UNC5C: variants seen among roughly 807,000 people sequenced by gnomAD.
The protein encoded by UNC5C is netrin receptor UNC5C.
In UNC5C, 47 loss-of-function variants were observed where a neutral mutation model predicts 99.8. That is an observed-to-expected ratio of 0.47 (90% CI 0.37 to 0.60). The LOEUF is 0.60. Ranked by LOEUF, UNC5C falls within the 20% of genes least tolerant of loss-of-function variation. The pLI is 0.00. For missense variants in UNC5C, 1,062 were observed against 1,165.9 expected, an observed-to-expected ratio of 0.91 and a Z score of 1.30; for synonymous variants, 487 against 452.2, an observed-to-expected ratio of 1.08 and a Z score of -0.98.
intron 12 of UNC5C, among the ~76,000 whole-genome samples, chr4:95,197,980 C>CTTT (rs1211335596): frequency 9.2e-5 from 11 of 119,924 alleles, no homozygotes; most frequent in African/African-American, 2.7e-4. Flanking sequence ...GAGCCTCTCC[C>CTTT]TTTTTTTTTT....
chr4:95,267,410 G>A (rs1740488870), intron 4 of UNC5C, among the ~76,000 whole-genome samples: 1 of 152,054 alleles, frequency 6.6e-6, no homozygotes, highest in African/African-American at 2.4e-5. Context: ...TTTATAATCT[G>A]ACATTCAAGT....
rs566811602 is a variant in UNC5C at position 95,540,653 on chromosome 4, C to T, written c.124+8081G>A. On this transcript the variant is annotated intron_variant, in intron 1 of 15. Transcript: ENST00000453304. The stretch of plus-strand genomic sequence containing the variant: ...GCTAAACTTGAGCACTTCCACTGGG[C>T]GGCTACAATGTGTATATTTGCCAAA... Among the ~76,000 whole-genome samples, 42 of 152,234 alleles carry T rather than the reference C, an allele frequency of 2.8e-4. 1 individual carries two copies. The East Asian group carries it at 5.8e-3, about 21-fold the overall frequency.
chr4:95,459,183 C>T (rs1747527524), intron 1 of UNC5C, among the ~76,000 whole-genome samples: 1 of 152,068 alleles, frequency 6.6e-6, no homozygotes, highest in South Asian at 2.1e-4. Context: ...ACAGTGGTTC[C>T]AAATATAAGC....
intron 1 of UNC5C, among the ~76,000 whole-genome samples, chr4:95,388,942 T>A (rs957661253): frequency 8.5e-5 from 13 of 152,126 alleles, no homozygotes; most frequent in African/African-American, 2.9e-4. Flanking sequence ...TATATAAAAG[T>A]GTTTCCTAGA....
At chr4:95,349,616 T>A (rs1363917657) in intron 1 of UNC5C, among the ~76,000 whole-genome samples, 1 of 151,820 alleles carries the variant, frequency 6.6e-6, no homozygotes, top group Non-Finnish European at 1.5e-5. Context: ...TATTCCCACA[T>A]GCAACCTATT....
chr4:95,234,326 TCAGA>T (rs1005925448), intron 7 of UNC5C, among the ~76,000 whole-genome samples: 4 of 151,982 alleles, frequency 2.6e-5, no homozygotes, highest in African/African-American at 9.7e-5. Flanking sequence ...TTTTTTTAGA[TCAGA>T]CATATATTTT....
At chr4:95,400,011 TCC>T (rs2149448057) in intron 1 of UNC5C, among the ~76,000 whole-genome samples, 1 of 152,316 alleles carries the variant, frequency 6.6e-6, no homozygotes, top group Admixed American at 6.5e-5. Context: ...ATGGTCAACT[TCC>T]CAGTCATTAG....
intron 1 of UNC5C, among the ~76,000 whole-genome samples, chr4:95,444,919 T>C (rs557235210): frequency 4.6e-5 from 7 of 152,280 alleles, no homozygotes; most frequent in South Asian, 2.1e-4. Flanking sequence ...GAGAAACATA[T>C]GAAGAGCCAC....
intron 1 of UNC5C, among the ~76,000 whole-genome samples, chr4:95,530,536 GC>G (rs1401666781): frequency 6.6e-6 from 1 of 152,186 alleles, no homozygotes; most frequent in African/African-American, 2.4e-5. Context: ...TTTAGTCTAT[GC>G]CTCATACAAC....
rs187727296 is a variant in UNC5C at position 95,265,289 on chromosome 4, C to T, written c.594+12970G>A. On this transcript the variant is annotated intron_variant, in intron 4 of 15. Coordinates refer to ENST00000453304, the MANE Select transcript of UNC5C (RefSeq NM_003728.4). ...ATTCCATCTGGATGCTCAACAAATA[C>T]AAAAAAAACATAATAAGTGCTGAAT... is the stretch of plus-strand genomic sequence containing the variant. 3.3e-3 allele frequency among the ~76,000 whole-genome samples: 499 copies of T among 149,428 alleles called. 1 individual carries two copies. The highest frequency in any genetic ancestry group is 0.011 in the African/African-American group (453 of 41,086).
chr4:95,491,069 G>A (rs1578192585), intron 1 of UNC5C, among the ~76,000 whole-genome samples: 1 of 151,476 alleles, frequency 6.6e-6, no homozygotes, highest in East Asian at 1.9e-4. Flanking sequence ...TAGCAGAAAA[G>A]TAAGATGAGG....
At chr4:95,391,230 T>C (rs1427881483) in intron 1 of UNC5C, among the ~76,000 whole-genome samples, 2 of 152,164 alleles carry the variant, frequency 1.3e-5, no homozygotes, top group East Asian at 1.9e-4. Flanking sequence ...TATTTCTTCA[T>C]AGCAGTATGA....
intron 1 of UNC5C, among the ~76,000 whole-genome samples, chr4:95,497,839 G>A (rs191517932): frequency 2.0e-5 from 3 of 151,770 alleles, no homozygotes; most frequent in Non-Finnish European, 2.9e-5. Flanking sequence ...TAAAAAATAC[G>A]CATTTTATTG....
chr4:95,434,448 C>T (rs538029227), intron 1 of UNC5C, among the ~76,000 whole-genome samples: 8 of 151,934 alleles, frequency 5.3e-5, no homozygotes, highest in Non-Finnish European at 1.2e-4. Context: ...AGAAGGGGCA[C>T]CTTACTTGAA....
At chr4:95,195,450 A>G (rs977136472) in intron 12 of UNC5C, among the ~76,000 whole-genome samples, 2 of 152,216 alleles carry the variant, frequency 1.3e-5, no homozygotes, top group Admixed American at 6.5e-5. Context: ...TCCTGAAAGT[A>G]TACAGGTAAG....
At chr4:95,484,608 C>A (rs1721271669) in intron 1 of UNC5C, among the ~76,000 whole-genome samples, 1 of 151,864 alleles carries the variant, frequency 6.6e-6, no homozygotes, top group Admixed American at 6.6e-5. Flanking sequence ...CTCTGTCAGA[C>A]TGGATCCCTG....
intron 1 of UNC5C, among the ~76,000 whole-genome samples, chr4:95,434,457 A>C (rs1746718691): frequency 6.6e-6 from 1 of 152,026 alleles, no homozygotes; most frequent in African/African-American, 2.4e-5. Context: ...ACCTTACTTG[A>C]ATCGGAGGGA....
intron 14 of UNC5C, 48 bp from the exon 15 acceptor site, chr4:95,170,380 A>G (rs1487557174): frequency 1.9e-6 from 3 of 1,592,298 alleles, no homozygotes; most frequent in Non-Finnish European, 2.6e-6. Flanking sequence ...TGAGGACAAA[A>G]GCAATCTCTA....
chr4:95,419,420 T>C (rs1188821079), intron 1 of UNC5C, among the ~76,000 whole-genome samples: 1 of 152,218 alleles, frequency 6.6e-6, no homozygotes, highest in Non-Finnish European at 1.5e-5. Flanking sequence ...TTACTTTCTG[T>C]TAAACCATTT....
Sources: allele counts gnomAD v4.1 joint callset (sites outside exome capture counted in the v4.1 genomes callset), GRCh38; gene constraint gnomAD v4.1.1; transcripts MANE v1.5; gene names NCBI Gene and HGNC (gene_info 2026-07-23, HGNC 2026-07-21).